Variants in ZNF320 observed in about 807,000 individuals in gnomAD.
ZNF320 encodes zinc finger protein 320.
In ZNF320, 2 loss-of-function variants were observed where a neutral mutation model predicts 6.8. That is an observed-to-expected ratio of 0.29 (90% CI 0.12 to 0.93). The LOEUF (loss-of-function observed/expected upper bound fraction) is 0.93, where lower values mean the gene tolerates loss of function less well. Among genes scored for constraint, ZNF320 ranks in the 40% least tolerant of loss-of-function variants. The probability of loss-of-function intolerance (pLI) is 0.55; values close to 1 mark genes in which losing one functional copy is unlikely to be tolerated. For missense variants in ZNF320, 472 were observed against 611.0 expected (o/e 0.77, Z 2.40); for synonymous variants, 208 against 203.2 (o/e 1.02, Z -0.20).
At chr19:52,896,548 A>C (rs1258175046) in intron 1 of ZNF320, among the ~76,000 whole-genome samples, 1 of 152,080 alleles carries the variant, frequency 6.6e-6, no homozygotes, top group Non-Finnish European at 1.5e-5. Context: ...GTCTCTACCA[A>C]GTACACAAAA....
intron 5 of ZNF320, among the ~76,000 whole-genome samples, chr19:52,870,703 C>A (rs12460516): frequency 0.19 from 29,243 of 151,346 alleles, 2,995 homozygotes; most frequent in East Asian, 0.28. Context: ...GAGGCAGAGG[C>A]TACAGTGAGC....
At chr19:52,867,135 A>C (rs2063589634) in intron 5 of ZNF320, among the ~76,000 whole-genome samples, 1 of 152,088 alleles carries the variant, frequency 6.6e-6, no homozygotes, top group Non-Finnish European at 1.5e-5. Context: ...CCTGGTCTGG[A>C]TGTTCATATT....
chr19:52,871,737 A>ATTT (rs1315959535), downstream of ZNF320, among the ~76,000 whole-genome samples: 1 of 152,202 alleles, frequency 6.6e-6, no homozygotes, highest in African/African-American at 2.4e-5. Context: ...TAAAACACTG[A>ATTT]AAAAGAGGCA....
chr19:52,887,122 T>A (rs902658278), intron 5 of ZNF320, among the ~76,000 whole-genome samples: 10 of 152,178 alleles, frequency 6.6e-5, no homozygotes, highest in African/African-American at 2.4e-4. Flanking sequence ...ACTTTTCTTT[T>A]GCCACAGAAT....
intron 5 of ZNF320, among the ~76,000 whole-genome samples, chr19:52,887,279 C>T (rs374166786): frequency 6.6e-6 from 1 of 152,246 alleles, no homozygotes; most frequent in African/African-American, 2.4e-5. Context: ...CTCCACAGTC[C>T]AGGGCTCTTT....
chr19:52,890,485 T>C (rs1160427461), intron 3 of ZNF320, 157 bp from the exon 4 acceptor site: 1 of 598,884 alleles, frequency 1.7e-6, no homozygotes. Flanking sequence ...AAACTCCCAC[T>C]ACCCTACTGG....
Position 52,891,540 on chromosome 19 carries a change from G to C in ZNF320, c.-191-194C>G, listed in dbSNP as rs548238187. 3.9e-5 allele frequency among the ~76,000 whole-genome samples: 6 copies of C among 152,246 alleles called. No homozygotes were observed. The South Asian group carries it at 1.2e-3, about 32-fold the overall frequency. On this transcript the variant is annotated intron_variant, in intron 2 of 5. Coordinates refer to ENST00000682928, the MANE Select transcript of ZNF320 (RefSeq NM_001351774.2). Reference sequence around the variant, plus strand: ...TCATTTAGGGACATAGGGTAAGAACGGGGAAAATGACCTGAGACAGGAAGG... The same window carrying C: ...TCATTTAGGGACATAGGGTAAGAACCGGGAAAATGACCTGAGACAGGAAGG...
At chr19:52,861,097 T>C (rs1420949152) in exon 6 of ZNF320, among the ~76,000 whole-genome samples, 1 of 152,202 alleles carries the variant, frequency 6.6e-6, no homozygotes, top group East Asian at 1.9e-4. Flanking sequence ...GTAGATGACA[T>C]GATCTTCTGT....
exon 6 of ZNF320, chr19:52,862,725 C>CA: frequency 2.3e-6 from 1 of 442,582 alleles, no homozygotes; most frequent in South Asian, 2.1e-5. Context: ...GAATTGAGCC[C>CA]AAAAACCTTT....
the ZNF320 span, among the ~76,000 whole-genome samples, chr19:52,903,358 C>T: frequency 6.6e-6 from 1 of 152,038 alleles, no homozygotes; most frequent in Non-Finnish European, 1.5e-5. Context: ...GCCTCTTTTT[C>T]TCTCTGCTGG....
upstream of ZNF320, among the ~76,000 whole-genome samples, chr19:52,901,491 C>T (rs1288328538): frequency 2.6e-5 from 4 of 152,132 alleles, no homozygotes; most frequent in Non-Finnish European, 5.9e-5. Flanking sequence ...CTCTTATCTA[C>T]GTACAGCTCC....
chr19:52,883,649 C>G (rs1265794085), intron 5 of ZNF320: 1 of 454,342 alleles, frequency 2.2e-6, no homozygotes, highest in Non-Finnish European at 4.4e-6. Flanking sequence ...CCTGTAATCC[C>G]AGCATTTTGG....
chr19:52,873,416 C>T (rs890987689), downstream of ZNF320, among the ~76,000 whole-genome samples: 9 of 152,202 alleles, frequency 5.9e-5, no homozygotes, highest in African/African-American at 2.2e-4. Flanking sequence ...TTAAACAAAG[C>T]ACATCCTGCA....
chr19:52,884,097 T>C lies in ZNF320; in HGVS notation c.143-2114A>G, dbSNP rs190839049. Among the ~76,000 whole-genome samples the C allele has an allele frequency of 2.7e-3, 404 of 152,250 alleles. 1 individual carries two copies. The highest frequency in any genetic ancestry group is 9.1e-3 in the African/African-American group (379 of 41,548). On this transcript the variant is annotated intron_variant, in intron 5 of 5. Coordinates refer to ENST00000682928, the MANE Select transcript of ZNF320 (RefSeq NM_001351774.2). ...TTCCTCTTTCTACCATATTGGGACA[T>C]GGCAGGAAGATGGCTGGGCTAAACC...
At chr19:52,883,504 T>G (rs1201688772) in intron 5 of ZNF320, 1 of 367,026 alleles carries the variant, frequency 2.7e-6, no homozygotes, top group African/African-American at 2.2e-5. Context: ...GGCCATAACT[T>G]GTAGTTACCA....
At chr19:52,890,807 G>C (rs1389191156) in intron 3 of ZNF320, among the ~76,000 whole-genome samples, 1 of 152,110 alleles carries the variant, frequency 6.6e-6, no homozygotes, top group Non-Finnish European at 1.5e-5. Context: ...TTGTGCTCAA[G>C]AGTTCGAGAC....
intron 5 of ZNF320, 62 bp from the exon 6 acceptor site, chr19:52,882,045 G>A (rs1173524417): frequency 6.9e-7 from 1 of 1,443,914 alleles, no homozygotes; most frequent in East Asian, 2.3e-5. Context: ...ACACTGAAAT[G>A]TATAAATATC....
At position 52,879,875 on chromosome 19, in the gene ZNF320, T is replaced by C. The variant is rs1230459630; in HGVS notation, c.*721A>G. ...AAAGTAAGAAATACTTAGGAATAAA[T>C]GAAAAAAGTTGAGAAGTTTCTACCT... is the stretch of plus-strand genomic sequence containing the variant. On this transcript the variant is annotated 3_prime_UTR_variant, in exon 6 of 6. Transcript: ENST00000682928. The C allele has an allele frequency of 6.6e-6, 1 of 152,062 alleles. No homozygotes were observed. The highest frequency in any genetic ancestry group is 2.4e-5 in the African/African-American group (1 of 41,404). 9.4% of individuals were successfully genotyped at this position (152,062 alleles called of 1,614,324 possible).
Position 52,881,589 on chromosome 19 carries a change from AT to A in ZNF320, c.536del (p.His179LeufsTer3), listed in dbSNP as rs1568713619. 6.2e-7 allele frequency: 1 copy of A among 1,613,974 alleles called. No homozygotes were observed. The highest frequency in any genetic ancestry group is 1.1e-5 in the South Asian group (1 of 91,076). ...GTTTCTCTCCAGTATGAATTATCCT[AT>A]GTATTTCAAGATGTGATTTGCAACT... ...VFSCKSHLEIHRIIHTGEKPY... is the reference protein window; with the variant it reads ...VFSCKSHLEIXRIIHTGEKPY... On this transcript the variant is annotated frameshift_variant, in exon 6 of 6. Coordinates refer to ENST00000682928, the MANE Select transcript of ZNF320 (RefSeq NM_001351774.2). LOFTEE classifies it low-confidence loss of function (END_TRUNC).
Sources: allele counts gnomAD v4.1 joint callset (sites outside exome capture counted in the v4.1 genomes callset), GRCh38; gene constraint gnomAD v4.1.1; transcripts MANE v1.5; gene names NCBI Gene and HGNC (gene_info 2026-07-23, HGNC 2026-07-21).